LRRTM4: variants seen among roughly 807,000 people sequenced by gnomAD.
The protein encoded by LRRTM4 is leucine-rich repeat transmembrane neuronal protein 4.
LRRTM4 carries 25 observed loss-of-function variants against 47.6 expected under a neutral mutation model. The observed-to-expected ratio is 0.53, with a 90% confidence interval of 0.38 to 0.73. LRRTM4 has a LOEUF of 0.73. LRRTM4 is among the 30% of genes least tolerant of loss of function. The pLI, the probability that LRRTM4 is intolerant of heterozygous loss-of-function variation, is 0.00. For missense variants in LRRTM4, 638 were observed against 713.4 expected (o/e 0.89, Z 1.20); for synonymous variants, 311 against 269.5 (o/e 1.15, Z -1.51).
At chr2:77,488,081 C>A (rs1008041255) in intron 3 of LRRTM4, among the ~76,000 whole-genome samples, 1 of 152,090 alleles carries the variant, frequency 6.6e-6, no homozygotes, top group Non-Finnish European at 1.5e-5. Flanking sequence ...TTGCAGGCAA[C>A]GAGAAGGAGG....
At chr2:76,751,415 A>G (rs561592309) in intron 3 of LRRTM4, among the ~76,000 whole-genome samples, 1 of 152,260 alleles carries the variant, frequency 6.6e-6, no homozygotes, top group Admixed American at 6.5e-5. Context: ...ATGCCATTCT[A>G]TTCTGTAAAA....
intron 3 of LRRTM4, among the ~76,000 whole-genome samples, chr2:77,087,431 A>G (rs751199862): frequency 6.6e-6 from 1 of 152,254 alleles, no homozygotes; most frequent in African/African-American, 2.4e-5. Context: ...CCAGGAAAAA[A>G]TGCCAGTTAA....
intron 3 of LRRTM4, among the ~76,000 whole-genome samples, chr2:77,247,740 C>T (rs887508451): frequency 1.3e-5 from 2 of 151,872 alleles, no homozygotes; most frequent in African/African-American, 2.4e-5. Context: ...TCCAATAATA[C>T]GTGCCTAGGA....
intron 3 of LRRTM4, among the ~76,000 whole-genome samples, chr2:77,090,717 G>A (rs910087776): frequency 1.3e-5 from 2 of 152,100 alleles, no homozygotes; most frequent in African/African-American, 4.8e-5. Context: ...CCTAAGTCAT[G>A]TCCCATTTGT....
chr2:76,878,510 A>C (rs1672839852), intron 3 of LRRTM4, among the ~76,000 whole-genome samples: 2 of 152,054 alleles, frequency 1.3e-5, no homozygotes, highest in East Asian at 3.9e-4. Context: ...GCAAATGGAA[A>C]AAAAAAAAAA....
chr2:77,131,811 C>G (rs1409819892), intron 3 of LRRTM4, among the ~76,000 whole-genome samples: 1 of 152,126 alleles, frequency 6.6e-6, no homozygotes, highest in African/African-American at 2.4e-5. Flanking sequence ...AGGACTGTGT[C>G]TTACTCTGTT....
chr2:77,265,876 C>T (rs1676036228), intron 3 of LRRTM4, among the ~76,000 whole-genome samples: 1 of 152,100 alleles, frequency 6.6e-6, no homozygotes, highest in Non-Finnish European at 1.5e-5. Flanking sequence ...CAGATTCTGA[C>T]CTAATTTTAC....
At chr2:76,917,631 A>G (rs1363367007) in intron 3 of LRRTM4, among the ~76,000 whole-genome samples, 2 of 152,198 alleles carry the variant, frequency 1.3e-5, no homozygotes, top group Admixed American at 6.5e-5. Context: ...CACTCTTCCC[A>G]TACTGCACAC....
At chr2:77,138,402 T>G (rs995516601) in intron 3 of LRRTM4, among the ~76,000 whole-genome samples, 4 of 151,990 alleles carry the variant, frequency 2.6e-5, no homozygotes, top group African/African-American at 9.7e-5. Flanking sequence ...AAGGCAGAAA[T>G]AAAGATGTTG....
chr2:76,936,596 AAAAAAG>A (rs1674957827), intron 3 of LRRTM4, among the ~76,000 whole-genome samples: 1 of 151,250 alleles, frequency 6.6e-6, no homozygotes, highest in Admixed American at 6.6e-5. Context: ...AAAAAAAAAA[AAAAAAG>A]AAAGAAAAAG....
chr2:77,082,848 T>C (rs979863310), intron 3 of LRRTM4, among the ~76,000 whole-genome samples: 1 of 152,110 alleles, frequency 6.6e-6, no homozygotes, highest in East Asian at 1.9e-4. Flanking sequence ...AAACATTATA[T>C]ACATAATAAA....
intron 3 of LRRTM4, among the ~76,000 whole-genome samples, chr2:77,332,122 A>T (rs1670994090): frequency 6.6e-6 from 1 of 152,148 alleles, no homozygotes; most frequent in Non-Finnish European, 1.5e-5. Flanking sequence ...AAACTGTCCA[A>T]ATTTCTGGAT....
At chr2:77,162,683 C>T (rs940720623) in intron 3 of LRRTM4, among the ~76,000 whole-genome samples, 4 of 152,150 alleles carry the variant, frequency 2.6e-5, no homozygotes, top group African/African-American at 9.7e-5. Context: ...GTTTGGCAGC[C>T]TCCACTGGTG....
chr2:77,095,247 GAC>G (rs916104378), intron 3 of LRRTM4, among the ~76,000 whole-genome samples: 1 of 152,080 alleles, frequency 6.6e-6, no homozygotes, highest in African/African-American at 2.4e-5. Context: ...CTATCAAAAA[GAC>G]AAATGATAGC....
chr2:77,170,679 C>T (rs1362475482), intron 3 of LRRTM4, among the ~76,000 whole-genome samples: 1 of 152,022 alleles, frequency 6.6e-6, no homozygotes, highest in Non-Finnish European at 1.5e-5. Flanking sequence ...CATCTTTAAA[C>T]TTCTGTTTTT....
intron 3 of LRRTM4, among the ~76,000 whole-genome samples, chr2:76,805,016 A>G (rs1445545892): frequency 6.6e-6 from 1 of 152,106 alleles, no homozygotes; most frequent in Non-Finnish European, 1.5e-5. Flanking sequence ...GAGATTGACT[A>G]TGACCTTTGT....
At chr2:77,126,721 C>G (rs1432218949) in intron 3 of LRRTM4, among the ~76,000 whole-genome samples, 1 of 151,932 alleles carries the variant, frequency 6.6e-6, no homozygotes, top group Non-Finnish European at 1.5e-5. Context: ...TAATGGAGTC[C>G]TAGGGGGTTG....
At chr2:77,054,338 G>A (rs894442429) in intron 3 of LRRTM4, among the ~76,000 whole-genome samples, 1 of 152,158 alleles carries the variant, frequency 6.6e-6, no homozygotes, top group Non-Finnish European at 1.5e-5. Flanking sequence ...TGAATAAAAT[G>A]TAAGTATGTC....
chr2:76,812,700 C>CT (rs1289762777), intron 3 of LRRTM4, among the ~76,000 whole-genome samples: 13 of 135,424 alleles, frequency 9.6e-5, no homozygotes, highest in African/African-American at 3.5e-4. Context: ...TCTTTCTTTT[C>CT]TTTCTTTATT....
Sources: allele counts gnomAD v4.1 joint callset (sites outside exome capture counted in the v4.1 genomes callset), GRCh38; gene constraint gnomAD v4.1.1; transcripts MANE v1.5; gene names NCBI Gene and HGNC (gene_info 2026-07-23, HGNC 2026-07-21).